Variants in RNF170 observed in about 807,000 individuals in gnomAD.
The protein encoded by RNF170 is E3 ubiquitin-protein ligase RNF170.
Under a neutral mutation model 32.7 loss-of-function variants are expected in RNF170, and 12 were observed. The ratio of observed to expected loss-of-function variants is 0.37; its 90% confidence interval spans 0.24 to 0.60. The LOEUF (loss-of-function observed/expected upper bound fraction) is 0.60. RNF170 is among the 20% of genes least tolerant of loss of function. RNF170 has a pLI of 0.72. For synonymous variants in RNF170, 91 were observed against 103.6 expected, an observed-to-expected ratio of 0.88 and a Z score of 0.74; for missense variants, 212 against 311.2, an observed-to-expected ratio of 0.68 and a Z score of 2.40.
At chr8:42,880,429 G>A (rs966455402) in intron 2 of RNF170, among the ~76,000 whole-genome samples, 3 of 152,208 alleles carry the variant, frequency 2.0e-5, no homozygotes, top group Non-Finnish European at 2.9e-5. Context: ...GAAATCTTTT[G>A]TGAAAGGAAA....
rs1434146481 is a variant in RNF170 at position 42,867,321 on chromosome 8, A to AT, written c.323-1833dup. Among the ~76,000 whole-genome samples the AT allele has an allele frequency of 9.1e-4, 138 of 152,018 alleles. 1 individual carries two copies. The highest frequency in any genetic ancestry group is 1.0e-4 in the Non-Finnish European group (7 of 67,974). The stretch of plus-strand genomic sequence containing the variant: ...ACCCTGTCACTACTAAAAATACAAA[A>AT]TTAGCCAGGCTTGGTGGTGCATGCC... On this transcript the variant is annotated intron_variant, in intron 4 of 6. Coordinates refer to ENST00000527424, the MANE Select transcript of RNF170 (RefSeq NM_030954.4).
Position 42,861,800 on chromosome 8 carries a change from C to A in RNF170, c.452G>T (p.Arg151Ile). 6.2e-7 allele frequency: 1 copy of A among 1,613,900 alleles called. No homozygotes were observed. The highest frequency in any genetic ancestry group is 8.5e-7 in the Non-Finnish European group (1 of 1,179,924). ...GEDDQSQDVL[R>I]LHQDINDYNR... ...ATAATCATTAATATCCTGATGCAAT[C>A]TCAGAACATCCTGAGACTGATCATC... Residue 151 changes from arginine to isoleucine, a missense_variant, in exon 6 of 7, where the codon AGA becomes ATA. This residue lies in a region of RNF170 where 97 missense variants were observed against 178.9 expected (regional missense o/e 0.54). Transcript: ENST00000527424.
downstream of RNF170, chr8:42,850,989 T>G (rs1341947861): frequency 3.0e-5 from 46 of 1,551,434 alleles, no homozygotes; most frequent in East Asian, 1.1e-3. Context: ...TGCTCTTCTC[T>G]GATGAACCCT....
chr8:42,858,653 T>A (rs1803425664), intron 6 of RNF170, among the ~76,000 whole-genome samples: 1 of 152,078 alleles, frequency 6.6e-6, no homozygotes, highest in African/African-American at 2.4e-5. Flanking sequence ...AGGGTCTACT[T>A]AAGATAGTTG....
upstream of RNF170, chr8:42,896,752 G>GTGGCGGGGGCGCGCC (rs1806955974): frequency 7.5e-6 from 1 of 132,718 alleles, no homozygotes; most frequent in African/African-American, 3.2e-5. Flanking sequence ...GGCGGCAGCG[G>GTGGCGGGGGCGCGCC]CGGCGGCGGC....
chr8:42,875,865 G>A (rs779714261), intron 2 of RNF170, among the ~76,000 whole-genome samples: 3 of 152,152 alleles, frequency 2.0e-5, no homozygotes, highest in African/African-American at 4.8e-5. Context: ...GTGAGCCACC[G>A]CACCCGGCCT....
intron 4 of RNF170, among the ~76,000 whole-genome samples, chr8:42,866,057 T>C (rs1465555894): frequency 1.3e-5 from 2 of 152,192 alleles, no homozygotes; most frequent in African/African-American, 4.8e-5. Flanking sequence ...CTTAATACTA[T>C]GAAGCTTCAT....
At chr8:42,851,089 T>G (rs1233497188), downstream of RNF170, 4 of 1,511,964 alleles carry the variant, frequency 2.6e-6, no homozygotes, top group Non-Finnish European at 2.7e-6. Flanking sequence ...CCTTCCTGCT[T>G]CTTCAACCTC....
At chr8:42,861,552 A>G (rs1250549121) in intron 6 of RNF170, 193 bp downstream of exon 6, 1 of 574,182 alleles carries the variant, frequency 1.7e-6, no homozygotes, top group African/African-American at 1.9e-5. Flanking sequence ...CATGTTTCCA[A>G]GGCTGGTCTC....
At position 42,853,540 on chromosome 8, in the gene RNF170, C is replaced by G; in HGVS notation, c.*2619G>C. The G allele has an allele frequency of 7.8e-7, 1 of 1,287,146 alleles. No homozygotes were observed. Among genetic ancestry groups the G allele is most frequent in the Non-Finnish European group, 1.0e-6 (1 of 988,688 alleles). 79.7% of individuals were successfully genotyped at this position (1,287,146 alleles called of 1,614,324 possible). ...CAGTTGTTTTCCCCGTCTTGTTCCC[C>G]ACAGAGCTGCCCAAGTTATTATCTG... is the stretch of plus-strand genomic sequence containing the variant. On this transcript the variant is annotated 3_prime_UTR_variant, in exon 7 of 7. Coordinates refer to ENST00000527424, the MANE Select transcript of RNF170 (RefSeq NM_030954.4).
intron 1 of RNF170, among the ~76,000 whole-genome samples, chr8:42,892,674 G>GTTT (rs559187435): frequency 1.4e-4 from 18 of 130,882 alleles, no homozygotes; most frequent in Non-Finnish European, 1.8e-4. Context: ...CTGTTGCAGC[G>GTTT]TTTTTTTTTT....
chr8:42,888,796 TA>T (rs1191451906), intron 1 of RNF170, among the ~76,000 whole-genome samples: 1 of 81,892 alleles, frequency 1.2e-5, no homozygotes, highest in African/African-American at 5.0e-5. Flanking sequence ...CCAAAAACAA[TA>T]AATAAATAAA....
chr8:42,883,281 C>A (rs1805559857), intron 2 of RNF170, among the ~76,000 whole-genome samples: 1 of 151,744 alleles, frequency 6.6e-6, no homozygotes, highest in Admixed American at 6.6e-5. Flanking sequence ...GCACACACAC[C>A]CCCAAAATCT....
chr8:42,890,961 G>C (rs1214737058), intron 1 of RNF170, among the ~76,000 whole-genome samples: 2 of 152,160 alleles, frequency 1.3e-5, no homozygotes, highest in African/African-American at 4.8e-5. Flanking sequence ...AGATAAACAG[G>C]AAACAAAATT....
At chr8:42,851,225 T>A (rs964154601), downstream of RNF170, among the ~76,000 whole-genome samples, 3 of 151,928 alleles carry the variant, frequency 2.0e-5, no homozygotes, top group African/African-American at 7.3e-5. Flanking sequence ...ATTCGACATG[T>A]CAATGGTAGA....
At chr8:42,864,155 A>G (rs1803913365) in intron 5 of RNF170, among the ~76,000 whole-genome samples, 2 of 151,030 alleles carry the variant, frequency 1.3e-5, no homozygotes, top group African/African-American at 2.4e-5. Flanking sequence ...GTGCAGTCCC[A>G]TGATCATAGC....
intron 2 of RNF170, among the ~76,000 whole-genome samples, chr8:42,877,657 G>C (rs1460526315): frequency 1.3e-5 from 2 of 152,116 alleles, no homozygotes; most frequent in African/African-American, 2.4e-5. Context: ...CCAAACTTAA[G>C]AGTTAAAACT....
intron 2 of RNF170, among the ~76,000 whole-genome samples, chr8:42,879,522 G>A (rs1805212265): frequency 1.3e-5 from 2 of 151,962 alleles, no homozygotes; most frequent in Admixed American, 1.3e-4. Context: ...ACGGTGGCAC[G>A]TGCCTGTAGT....
intron 2 of RNF170, among the ~76,000 whole-genome samples, chr8:42,880,154 G>GA (rs1805274900): frequency 6.6e-6 from 1 of 152,198 alleles, no homozygotes; most frequent in African/African-American, 2.4e-5. Context: ...CCGAAGATGT[G>GA]ACCAAACTGC....
Sources: gnomAD v4.1 joint callset for allele counts (sites outside exome capture counted in the v4.1 genomes callset) on GRCh38, gnomAD v4.1.1 for gene constraint, gnomAD v4.1.1 regional missense constraint, MANE v1.5 for transcripts, NCBI Gene and HGNC (gene_info 2026-07-23, HGNC 2026-07-21) for gene names.